The following MYLK variants were observed in gnomAD, a reference collection of about 807,000 sequenced individuals.
MYLK encodes the protein myosin light chain kinase, smooth muscle.
Under a neutral mutation model 203.4 loss-of-function variants are expected in MYLK, and 106 were observed. The observed-to-expected ratio is 0.52, with a 90% CI of 0.45 to 0.61. MYLK has a LOEUF of 0.61. MYLK is among the 20% of genes least tolerant of loss of function. MYLK has a pLI of 0.00. For missense variants in MYLK, 2,072 were observed against 2,442.3 expected, an observed-to-expected ratio of 0.85 and a Z score of 3.20; for synonymous variants, 867 against 959.5, an observed-to-expected ratio of 0.90 and a Z score of 1.78.
intron 8 of MYLK, chr3:123,735,797 GA>G (rs1025338680): frequency 5.3e-6 from 1 of 187,028 alleles, no homozygotes; most frequent in African/African-American, 2.3e-5. Context: ...GTTCTTCAAA[GA>G]AAAAACATAA....
Position 123,861,639 on chromosome 3 carries a change from C to A in MYLK, c.-127+14920G>T, listed in dbSNP as rs181055736. On this transcript the variant is annotated intron_variant, in intron 2 of 33. Coordinates refer to ENST00000360304, the MANE Select transcript of MYLK (RefSeq NM_053025.4). ...ATTTACATCTGGCATATACCACATACCTCTTTAAGTGTGTCATTCACTAAC... is the reference window on the plus strand; with the variant it reads ...ATTTACATCTGGCATATACCACATAACTCTTTAAGTGTGTCATTCACTAAC... 1.0e-3 allele frequency among the ~76,000 whole-genome samples: 155 copies of A among 152,312 alleles called. 3 individuals are homozygous for A. Among genetic ancestry groups the A allele is most frequent in the East Asian group, 2.7e-3 (14 of 5,180 alleles).
chr3:123,734,235 G>A lies in MYLK; in HGVS notation c.774-13C>T, dbSNP rs768096512. On this transcript the variant is annotated splice_polypyrimidine_tract_variant and intron_variant, in intron 9 of 33. Coordinates refer to ENST00000360304, the MANE Select transcript of MYLK (RefSeq NM_053025.4). Reference sequence around the variant, plus strand: ...TCTCACAAATGACCTGTGTGGTGGTGAGGGTGGGGGTAGGGTGGGTGAGGA... The same window carrying A: ...TCTCACAAATGACCTGTGTGGTGGTAAGGGTGGGGGTAGGGTGGGTGAGGA... 9 of 1,396,550 alleles carry A rather than the reference G, an allele frequency of 6.4e-6. No individual in the cohort carries two copies. Among genetic ancestry groups the A allele is most frequent in the East Asian group, 5.0e-5 (2 of 40,210 alleles). 86.5% of individuals were successfully genotyped at this position (1,396,550 alleles called of 1,614,324 possible). A position where few individuals can be genotyped will look rare whatever the true frequency, so the allele number is the denominator to read the frequency against.
intron 31 of MYLK, 43 bp downstream of exon 31, chr3:123,626,775 A>C: frequency 6.2e-7 from 1 of 1,613,792 alleles, no homozygotes; most frequent in South Asian, 1.1e-5. Flanking sequence ...AACAACACAA[A>C]TATGAGGGGC....
chr3:123,877,113 G>A (rs1420825551), intron 1 of MYLK, among the ~76,000 whole-genome samples: 1 of 152,172 alleles, frequency 6.6e-6, no homozygotes, highest in African/African-American at 2.4e-5. Context: ...AAACAGACAA[G>A]TGAAGAATAT....
At chr3:123,620,763 A>G (rs2057811776) in intron 31 of MYLK, 1 of 398,368 alleles carries the variant, frequency 2.5e-6, no homozygotes, top group African/African-American at 2.1e-5. Context: ...GGCCAAGAGA[A>G]TAGTTACTAC....
Position 123,793,672 on chromosome 3 carries a change from CT to C in MYLK, c.165+4del. ...ACAGCCTCCCCATCCAGCCACACTT[CT>C]TACCCGCCCTTCGAACTTGGCGGTG... On this transcript the variant is annotated splice_donor_region_variant and intron_variant, in intron 4 of 33. Transcript: ENST00000360304. 1 of 1,614,104 alleles carries C rather than the reference CT, an allele frequency of 6.2e-7. No individual in the cohort carries two copies. The highest frequency in any genetic ancestry group is 8.5e-7 in the Non-Finnish European group (1 of 1,179,964).
At position 123,791,247 on chromosome 3, in the gene MYLK, G is replaced by A. The variant is rs571665765; in HGVS notation, c.165+2430C>T. ...CAATAGGGAACTGCAAGTTTTGAGT[G>A]TTTGGAGCTTATTATAACCAGCAAC... On this transcript the variant is annotated intron_variant, in intron 4 of 33. Coordinates refer to ENST00000360304, the MANE Select transcript of MYLK (RefSeq NM_053025.4). Among the ~76,000 whole-genome samples, 31 of 152,302 alleles carry A rather than the reference G, an allele frequency of 2.0e-4. 1 individual carries two copies. The South Asian group carries it at 6.4e-3, about 32-fold the overall frequency.
chr3:123,657,402 G>T lies in MYLK; in HGVS notation c.4012C>A (p.Pro1338Thr), dbSNP rs1309227729. Residue 1338 changes from proline (P) to threonine (T), a missense_variant, in exon 24 of 34, where the codon CCT becomes ACT. By Grantham distance (38) the Pro-to-Thr change is conservative (BLOSUM62 -1). Transcript: ENST00000360304. ...VDKPDPPAGTPCASDIRSSSL... is the reference protein window; with the variant it reads ...VDKPDPPAGTTCASDIRSSSL... ...GAGCTCCGAATGTCAGAGGCACAAGGTGTGCCAGCTGGGGGGTCTGGCTTA... is the reference window on the plus strand; with the variant it reads ...GAGCTCCGAATGTCAGAGGCACAAGTTGTGCCAGCTGGGGGGTCTGGCTTA... 6.2e-7 allele frequency: 1 copy of T among 1,613,742 alleles called. No individual in the cohort carries two copies. The highest frequency in any genetic ancestry group is 1.7e-5 in the Admixed American group (1 of 60,024).
intron 2 of MYLK, among the ~76,000 whole-genome samples, chr3:123,854,941 G>GA (rs984852042): frequency 2.0e-5 from 3 of 152,128 alleles, no homozygotes; most frequent in Non-Finnish European, 4.4e-5. Flanking sequence ...TGTTGCTGAT[G>GA]AAATACCTGT....
At chr3:123,742,423 G>T (rs997729277) in intron 5 of MYLK, among the ~76,000 whole-genome samples, 1 of 152,114 alleles carries the variant, frequency 6.6e-6, no homozygotes, top group Non-Finnish European at 1.5e-5. Context: ...TGATTATTTT[G>T]GGGGTTGTGG....
intron 2 of MYLK, among the ~76,000 whole-genome samples, chr3:123,837,767 G>A (rs1184399428): frequency 6.6e-6 from 1 of 151,754 alleles, no homozygotes; most frequent in Admixed American, 6.6e-5. Flanking sequence ...TGTTTCTATG[G>A]ATTAAGGATG....
intron 3 of MYLK, among the ~76,000 whole-genome samples, chr3:123,816,467 T>C (rs1869867): frequency 1 from 152,180 of 152,368 alleles, 75,996 homozygotes; most frequent in Middle Eastern, 1. Flanking sequence ...TAGCACCAAT[T>C]GGGTGCTAAA....
chr3:123,817,903 G>C (rs1162026784), intron 3 of MYLK, among the ~76,000 whole-genome samples: 1 of 152,116 alleles, frequency 6.6e-6, no homozygotes, highest in Non-Finnish European at 1.5e-5. Flanking sequence ...AAGGGACAGG[G>C]GGCATGGCAG....
At chr3:123,777,629 A>G (rs1188687197) in intron 4 of MYLK, among the ~76,000 whole-genome samples, 1 of 152,234 alleles carries the variant, frequency 6.6e-6, no homozygotes, top group East Asian at 1.9e-4. Context: ...GGCGAAGAGC[A>G]GTGAGAAGGG....
chr3:123,736,056 G>A (rs556256291), intron 8 of MYLK, among the ~76,000 whole-genome samples: 2 of 152,272 alleles, frequency 1.3e-5, no homozygotes, highest in Admixed American at 1.3e-4. Flanking sequence ...TTAACTGAAT[G>A]TCAGGGCAGG....
intron 27 of MYLK, 169 bp downstream of exon 27, chr3:123,647,055 C>A: frequency 4.4e-6 from 3 of 677,140 alleles, no homozygotes; most frequent in Non-Finnish European, 7.9e-6. Context: ...CACAGACCTT[C>A]GGTTCTGTTT....
At chr3:123,724,990 C>T (rs972433344) in intron 12 of MYLK, among the ~76,000 whole-genome samples, 1 of 151,942 alleles carries the variant, frequency 6.6e-6, no homozygotes, top group Non-Finnish European at 1.5e-5. Flanking sequence ...GGTGATCCAC[C>T]CACCTCAGCC....
At chr3:123,657,004 C>A in intron 24 of MYLK, 122 bp downstream of exon 24, 1 of 1,144,394 alleles carries the variant, frequency 8.7e-7, no homozygotes, top group Admixed American at 1.8e-5. Context: ...CCCCAAAAGA[C>A]CCTGCCAGTC....
chr3:123,827,842 C>T (rs1303799217), intron 3 of MYLK, among the ~76,000 whole-genome samples: 2 of 148,020 alleles, frequency 1.4e-5, no homozygotes, highest in East Asian at 3.9e-4. Flanking sequence ...CATTTCTACA[C>T]ACAAGCAACA....
Sources: allele counts gnomAD v4.1 joint callset (sites outside exome capture counted in the v4.1 genomes callset), GRCh38; gene constraint gnomAD v4.1.1; transcripts MANE v1.5; gene names NCBI Gene and HGNC (gene_info 2026-07-23, HGNC 2026-07-21).